Variants in CUBN observed in about 807,000 individuals in gnomAD.
The protein encoded by CUBN is 460 kDa receptor.
A neutral mutation model predicts 405.3 loss-of-function variants in CUBN; 282 were observed. The observed-to-expected ratio is 0.70, with a 90% confidence interval of 0.63 to 0.77. CUBN has a LOEUF of 0.77. Ranked by LOEUF, CUBN falls within the 30% of genes least tolerant of loss-of-function variation. The pLI, the probability that CUBN is intolerant of heterozygous loss-of-function variation, is 0.00. For missense variants in CUBN, 4,514 were observed against 4,475.2 expected, an observed-to-expected ratio of 1.01 and a Z score of -0.25; for synonymous variants, 1,684 against 1,617.0, an observed-to-expected ratio of 1.04 and a Z score of -0.99.
chr10:16,898,020 G>A (rs1383069370), intron 54 of CUBN, among the ~76,000 whole-genome samples: 1 of 150,262 alleles, frequency 6.7e-6, no homozygotes, highest in Non-Finnish European at 1.5e-5. Flanking sequence ...TTAGTTCATG[G>A]AAAAAGCCAT....
intron 28 of CUBN, among the ~76,000 whole-genome samples, chr10:16,991,635 T>G (rs1359073172): frequency 4.0e-5 from 6 of 151,594 alleles, no homozygotes; most frequent in Non-Finnish European, 5.9e-5. Context: ...TTTTCTGTTT[T>G]TTTTTTTTTT....
At chr10:16,906,153 A>G in intron 50 of CUBN, 50 bp downstream of exon 50, 1 of 1,406,310 alleles carries the variant, frequency 7.1e-7, no homozygotes, top group Non-Finnish European at 1.0e-6. Context: ...AAAAAAGATA[A>G]AAAGAATATT....
chr10:16,927,546 A>T (rs927028062), intron 41 of CUBN, among the ~76,000 whole-genome samples: 1 of 152,214 alleles, frequency 6.6e-6, no homozygotes, highest in Non-Finnish European at 1.5e-5. Context: ...TTTTTGATCA[A>T]AACATGAGAG....
At chr10:17,040,919 TA>T in intron 27 of CUBN, 113 bp downstream of exon 27, 1 of 944,196 alleles carries the variant, frequency 1.1e-6, no homozygotes, top group Non-Finnish European at 1.7e-6. Context: ...TGGTGTGTTA[TA>T]GATGCGTGGG....
At chr10:16,907,380 T>C (rs1841582184) in intron 49 of CUBN, 128 bp downstream of exon 49, 1 of 961,912 alleles carries the variant, frequency 1.0e-6, no homozygotes, top group Non-Finnish European at 1.6e-6. Flanking sequence ...TATGTGTGTT[T>C]GTCTTATGTC....
chr10:16,849,350 G>C (rs939308297), intron 60 of CUBN, among the ~76,000 whole-genome samples: 1 of 112,068 alleles, frequency 8.9e-6, no homozygotes, highest in African/African-American at 2.5e-5. Context: ...CTGGAGCTGA[G>C]AGCCTGACTC....
chr10:16,829,937 G>GT (rs1034368243), intron 65 of CUBN, among the ~76,000 whole-genome samples: 37 of 144,168 alleles, frequency 2.6e-4, no homozygotes, highest in East Asian at 6.2e-4. Context: ...GGTTTTTTTT[G>GT]TTTTGTTTTT....
chr10:17,081,226 G>A, intron 17 of CUBN, among the ~76,000 whole-genome samples: 1 of 152,158 alleles, frequency 6.6e-6, no homozygotes, highest in South Asian at 2.1e-4. Flanking sequence ...ATCTTCATTT[G>A]AAGGATATGT....
chr10:16,844,689 G>C (rs923190463), intron 60 of CUBN, among the ~76,000 whole-genome samples: 1 of 152,142 alleles, frequency 6.6e-6, no homozygotes, highest in Non-Finnish European at 1.5e-5. Flanking sequence ...TGTGGCCTCG[G>C]GATAACTGAC....
chr10:16,952,476 C>T (rs910609210), intron 32 of CUBN, 87 bp from the exon 33 acceptor site: 2 of 888,264 alleles, frequency 2.3e-6, no homozygotes, highest in African/African-American at 3.3e-5. Context: ...ATAAAACCAT[C>T]AATGATTTTT....
At position 16,840,973 on chromosome 10, in the gene CUBN, G is replaced by T. The variant is rs760737136; in HGVS notation, c.9738C>A (p.Ile3246=). The T allele has an allele frequency of 1.2e-6, 2 of 1,613,868 alleles. No individual in the cohort carries two copies. Among genetic ancestry groups the T allele is most frequent in the Non-Finnish European group, 8.5e-7 (1 of 1,179,926 alleles). ...GAACCGTAAGGAAGTTACCAGAAGA[G>T]ATAAAAGGAGCAGGTACTGTGGAAC... ...FCGSTVPAPF[I]SSGNFLTVQF... Residue 3246 remains isoleucine, a synonymous_variant, in exon 61 of 67, where the codon ATC becomes ATA. Transcript: ENST00000377833.
At chr10:17,041,252 AT>A (rs1225195763) in intron 26 of CUBN, 32 bp from the exon 27 acceptor site, 2 of 1,558,364 alleles carry the variant, frequency 1.3e-6, no homozygotes, top group East Asian at 4.5e-5. Context: ...AAGAACCACT[AT>A]TATATACTTC....
chr10:16,997,340 C>A (rs569743587), intron 28 of CUBN, among the ~76,000 whole-genome samples: 18 of 151,020 alleles, frequency 1.2e-4, no homozygotes, highest in Non-Finnish European at 1.5e-4. Flanking sequence ...GAGGCTGAGG[C>A]AGGAGAATCA....
intron 17 of CUBN, among the ~76,000 whole-genome samples, chr10:17,082,002 G>A (rs1015491077): frequency 6.6e-6 from 1 of 152,016 alleles, no homozygotes; most frequent in Admixed American, 6.5e-5. Context: ...GGGAAATTTG[G>A]TCAAGACTTT....
At chr10:17,092,124 T>C (rs1483563169) in intron 14 of CUBN, among the ~76,000 whole-genome samples, 1 of 152,172 alleles carries the variant, frequency 6.6e-6, no homozygotes, top group African/African-American at 2.4e-5. Context: ...GGAAACAGAC[T>C]GTAGCACCAA....
At chr10:17,092,562 C>G (rs1050142107) in intron 14 of CUBN, among the ~76,000 whole-genome samples, 1 of 152,120 alleles carries the variant, frequency 6.6e-6, no homozygotes, top group Non-Finnish European at 1.5e-5. Context: ...CCACCAAAAC[C>G]AAGATGGTGA....
Position 16,928,046 on chromosome 10 carries a change from G to C in CUBN, c.6271+111C>G. ...GCCTGGGCAGAGACCCATGTCCTCT[G>C]ACTTGTCTTGTGTCCTGGTGCCCAA... On this transcript the variant is annotated intron_variant, in intron 41 of 66. Coordinates refer to ENST00000377833, the MANE Select transcript of CUBN (RefSeq NM_001081.4). 6 of 1,240,222 alleles carry C rather than the reference G, an allele frequency of 4.8e-6. No homozygotes were observed. In the South Asian group the frequency reaches 5.0e-5, roughly 10 times the overall value. 76.8% of individuals were successfully genotyped at this position (1,240,222 alleles called of 1,614,324 possible). A position where few individuals can be genotyped will look rare whatever the true frequency, so the allele number is the denominator to read the frequency against.
intron 13 of CUBN, among the ~76,000 whole-genome samples, chr10:17,101,070 A>G (rs927841395): frequency 2.0e-5 from 3 of 152,232 alleles, no homozygotes; most frequent in African/African-American, 7.2e-5. Context: ...TCACAACAAT[A>G]TTCAGTTAAT....
Position 16,977,172 on chromosome 10 carries a change from C to T in CUBN, c.4695+5312G>A, listed in dbSNP as rs149177561. Among the ~76,000 whole-genome samples the T allele has an allele frequency of 4.2e-3, 646 of 152,228 alleles. 5 individuals carry two copies. The highest frequency in any genetic ancestry group is 0.015 in the African/African-American group (616 of 41,530). ...GATACACACAGGATACAGGGAAATA[C>T]TAGGTAGAAGAGGGCAGTTCCCCAG... is the stretch of plus-strand genomic sequence containing the variant. On this transcript the variant is annotated intron_variant, in intron 31 of 66. Transcript: ENST00000377833.
Sources: gnomAD v4.1 joint callset for allele counts (sites outside exome capture counted in the v4.1 genomes callset) on GRCh38, gnomAD v4.1.1 for gene constraint, MANE v1.5 for transcripts, NCBI Gene and HGNC (gene_info 2026-07-23, HGNC 2026-07-21) for gene names.